The following ZDHHC11 variants were observed in gnomAD, a reference collection of about 807,000 sequenced individuals.
ZDHHC11 encodes the protein palmitoyltransferase ZDHHC11.
A neutral mutation model predicts 51.3 loss-of-function variants in ZDHHC11; 44 were observed. The ratio of observed to expected loss-of-function variants is 0.86; its 90% CI spans 0.67 to 1.10. ZDHHC11 has a LOEUF of 1.10. ZDHHC11 is among the 50% of genes least tolerant of loss of function. ZDHHC11 has a pLI of 0.00. For synonymous variants in ZDHHC11, 163 were observed against 222.0 expected, an observed-to-expected ratio of 0.73 and a Z score of 2.36; for missense variants, 400 against 537.7, an observed-to-expected ratio of 0.74 and a Z score of 2.53.
chr5:819,419 G>A, intron 10 of ZDHHC11, 106 bp downstream of exon 10: 1 of 1,222,070 alleles, frequency 8.2e-7, no homozygotes, highest in Non-Finnish European at 1.2e-6. Context: ...TGGACACAGA[G>A]TGCTTCCCTT....
chr5:799,594 A>G lies in ZDHHC11; in HGVS notation c.*7+1506T>C, dbSNP rs978043425. ...GTTTTTGCAGATTATTTGCAAGTTG[A>G]TGCTTCGGCCAAGCGTCCAGCTCCA... On this transcript the variant is annotated intron_variant, in intron 12 of 12. Coordinates refer to ENST00000283441, the MANE Select transcript of ZDHHC11 (RefSeq NM_024786.3). Among the ~76,000 whole-genome samples the G allele has an allele frequency of 1.3e-4, 19 of 151,224 alleles. 1 individual carries two copies. Among genetic ancestry groups the G allele is most frequent in the Non-Finnish European group, 2.4e-4 (16 of 67,676 alleles).
chr5:804,395 A>AT (rs1738945824), intron 11 of ZDHHC11, among the ~76,000 whole-genome samples: 2 of 151,228 alleles, frequency 1.3e-5, no homozygotes, highest in Admixed American at 6.6e-5. Flanking sequence ...CTTGGAACGT[A>AT]TCCCCCACAG....
At chr5:808,341 C>G (rs2150303374) in intron 11 of ZDHHC11, among the ~76,000 whole-genome samples, 1 of 152,094 alleles carries the variant, frequency 6.6e-6, no homozygotes, top group East Asian at 1.9e-4. Flanking sequence ...CCTATGGTAG[C>G]TGCATCTGCC....
intron 9 of ZDHHC11, among the ~76,000 whole-genome samples, chr5:820,918 A>G (rs959626264): frequency 7.3e-5 from 11 of 151,362 alleles, no homozygotes; most frequent in African/African-American, 2.4e-4. Context: ...TGAGACAGAC[A>G]CAGACCTGGG....
intron 11 of ZDHHC11, among the ~76,000 whole-genome samples, chr5:802,015 A>G (rs1418056802): frequency 6.6e-6 from 1 of 151,466 alleles, no homozygotes; most frequent in Non-Finnish European, 1.5e-5. Flanking sequence ...CTAGAAGGAA[A>G]GGATGCAAAT....
rs373044294 is a variant in ZDHHC11, at chr5:845,725, C to T, written c.503+1789G>A. Among the ~76,000 whole-genome samples, 393 of 151,736 alleles carry T rather than the reference C, an allele frequency of 2.6e-3. 5 individuals are homozygous for T. In the East Asian group the frequency reaches 0.068, roughly 26 times the overall value. On this transcript the variant is annotated intron_variant, in intron 3 of 12. Coordinates refer to ENST00000283441, the MANE Select transcript of ZDHHC11 (RefSeq NM_024786.3). Reference sequence around the variant, plus strand: ...AACTTTCCTCATCTTGCTCTCAATGCCGTTGCTCTCTCCGCCTCTGGCGGA... The same window carrying T: ...AACTTTCCTCATCTTGCTCTCAATGTCGTTGCTCTCTCCGCCTCTGGCGGA...
chr5:822,013 G>A lies in ZDHHC11; in HGVS notation c.1024-118C>T, dbSNP rs1196931298. The A allele has an allele frequency of 6.6e-5, 58 of 876,932 alleles. No homozygotes were observed. The Admixed American group carries it at 1.5e-3, about 23-fold the overall frequency. The allele number at this position is 876,932 out of a possible 1,614,324, so 54.3% of individuals were successfully genotyped here. On this transcript the variant is annotated intron_variant, in intron 8 of 12. Coordinates refer to ENST00000283441, the MANE Select transcript of ZDHHC11 (RefSeq NM_024786.3). ...TCACTTCTGAGTAATGGTACATCAA[G>A]GTTGCCTGGATCATGGAATAGGATC...
chr5:840,244 C>T (rs184305068), intron 5 of ZDHHC11: 48 of 725,048 alleles, frequency 6.6e-5, no homozygotes, highest in East Asian at 2.9e-4. Context: ...CAGGTCTCGG[C>T]GTGAGTTCAG....
chr5:817,764 C>A (rs988511249), intron 10 of ZDHHC11, among the ~76,000 whole-genome samples: 4 of 151,234 alleles, frequency 2.6e-5, no homozygotes, highest in Non-Finnish European at 5.9e-5. Context: ...CATGTCTCCC[C>A]ATTGCCTCAC....
chr5:852,863 C>A (rs1178056428), upstream of ZDHHC11, among the ~76,000 whole-genome samples: 1 of 130,166 alleles, frequency 7.7e-6, no homozygotes, highest in Non-Finnish European at 1.6e-5. Context: ...CGGAGGACAG[C>A]GAGCAGCGGG....
chr5:812,323 G>A (rs533439836), intron 11 of ZDHHC11, among the ~76,000 whole-genome samples: 3 of 152,034 alleles, frequency 2.0e-5, no homozygotes, highest in African/African-American at 7.2e-5. Flanking sequence ...AAAGAAATAC[G>A]TTGGAAACAC....
At chr5:859,473 C>G (rs1748676102), upstream of ZDHHC11, among the ~76,000 whole-genome samples, 1 of 152,166 alleles carries the variant, frequency 6.6e-6, no homozygotes, top group Non-Finnish European at 1.5e-5. Flanking sequence ...CCTAAAACCC[C>G]TACAACAACC....
intron 5 of ZDHHC11, 144 bp downstream of exon 5, chr5:840,351 A>C (rs1245134910): frequency 5.9e-5 from 66 of 1,120,982 alleles, no homozygotes; most frequent in Non-Finnish European, 8.0e-5. Context: ...GCTGACCCTG[A>C]ACACATGCGC....
chr5:802,680 AAGG>A (rs1411829704), intron 11 of ZDHHC11, among the ~76,000 whole-genome samples: 1 of 150,236 alleles, frequency 6.7e-6, no homozygotes, highest in Non-Finnish European at 1.5e-5. Flanking sequence ...TGCTTGAAGA[AAGG>A]AGAAGCTGGG....
At chr5:850,003 C>T (rs933953787) in intron 1 of ZDHHC11, among the ~76,000 whole-genome samples, 5 of 152,220 alleles carry the variant, frequency 3.3e-5, no homozygotes, top group Non-Finnish European at 5.9e-5. Flanking sequence ...TGCCGACCTG[C>T]GGGGCATGGC....
At chr5:801,010 C>T in intron 12 of ZDHHC11, 90 bp downstream of exon 12, 2 of 1,486,402 alleles carry the variant, frequency 1.3e-6, no homozygotes, top group Non-Finnish European at 1.9e-6. Flanking sequence ...CTTGAGTTTG[C>T]ACTGGTGATT....
At position 817,985 on chromosome 5, in the gene ZDHHC11, G is replaced by A. The variant is rs573342901; in HGVS notation, c.1146+1540C>T. Among the ~76,000 whole-genome samples the A allele has an allele frequency of 2.4e-4, 37 of 151,356 alleles. No individual in the cohort carries two copies. The South Asian group carries it at 7.7e-3, about 32-fold the overall frequency. ...CGGACGCGGGTGTCAGTGAAGTCACGTGCATTTTCAGATGGAATTCTCCTC... is the reference window on the plus strand; with the variant it reads ...CGGACGCGGGTGTCAGTGAAGTCACATGCATTTTCAGATGGAATTCTCCTC... On this transcript the variant is annotated intron_variant, in intron 10 of 12. Transcript: ENST00000283441.
At chr5:837,816 C>A (rs1341272763) in intron 5 of ZDHHC11, among the ~76,000 whole-genome samples, 1 of 151,962 alleles carries the variant, frequency 6.6e-6, no homozygotes, top group African/African-American at 2.4e-5. Flanking sequence ...GTCCCCTATA[C>A]CATGCAGCTT....
At chr5:799,144 C>T (rs1449420688) in intron 12 of ZDHHC11, among the ~76,000 whole-genome samples, 1 of 151,892 alleles carries the variant, frequency 6.6e-6, no homozygotes, top group Non-Finnish European at 1.5e-5. Flanking sequence ...GGGGCTGGAC[C>T]CCCTATGAAC....
Sources: allele counts gnomAD v4.1 joint callset (sites outside exome capture counted in the v4.1 genomes callset), GRCh38; gene constraint gnomAD v4.1.1; transcripts MANE v1.5; gene names NCBI Gene and HGNC (gene_info 2026-07-23, HGNC 2026-07-21).